TNFAIP8: variants seen among roughly 807,000 people sequenced by gnomAD.
TNFAIP8 encodes tumor necrosis factor alpha-induced protein 8.
TNFAIP8 carries 7 observed loss-of-function variants against 13.3 expected under a neutral mutation model. That is an observed-to-expected ratio of 0.52 (90% CI 0.30 to 0.99). TNFAIP8 has a LOEUF of 0.99. Among genes scored for constraint, TNFAIP8 ranks in the 50% least tolerant of loss-of-function variants. The probability of loss-of-function intolerance (pLI) is 0.07; values close to 1 mark genes in which losing one functional copy is unlikely to be tolerated. For synonymous variants in TNFAIP8, 94 were observed against 87.6 expected (o/e 1.07, Z -0.41); for missense variants, 258 against 236.9 (o/e 1.09, Z -0.58).
At chr5:119,359,823 G>C (rs191373200) in intron 1 of TNFAIP8, among the ~76,000 whole-genome samples, 2 of 152,194 alleles carry the variant, frequency 1.3e-5, no homozygotes, top group African/African-American at 4.8e-5. Flanking sequence ...GAAACCAAGG[G>C]GTATAGCTGA....
chr5:119,301,617 C>T (rs1424038841), intron 1 of TNFAIP8, among the ~76,000 whole-genome samples: 1 of 152,150 alleles, frequency 6.6e-6, no homozygotes, highest in Non-Finnish European at 1.5e-5. Context: ...ACGAGGTAGG[C>T]CCTCAGGGAA....
intron 1 of TNFAIP8, among the ~76,000 whole-genome samples, chr5:119,372,799 A>C (rs1174081331): frequency 1.3e-5 from 2 of 152,044 alleles, no homozygotes; most frequent in Non-Finnish European, 2.9e-5. Context: ...ATCTCTCCTA[A>C]AATATACACA....
At chr5:119,293,218 A>G (rs2112634170) in intron 1 of TNFAIP8, among the ~76,000 whole-genome samples, 1 of 152,244 alleles carries the variant, frequency 6.6e-6, no homozygotes, top group Admixed American at 6.5e-5. Flanking sequence ...GCCAATACTG[A>G]AAAATCTACT....
chr5:119,391,250 C>T, intron 1 of TNFAIP8: 1 of 603,424 alleles, frequency 1.7e-6, no homozygotes, highest in East Asian at 2.9e-5. Context: ...TGATGCTAGC[C>T]TATCCAAACT....
In TNFAIP8 at chr5:119,317,662, G is replaced by A. The variant is rs141527321; in HGVS notation, c.1+48755G>A. The stretch of plus-strand genomic sequence containing the variant: ...TGCCCAGGCTGGAGTGCAGTGGCGC[G>A]ATTTCGGCTCACTGCAACCTCCACC... On this transcript the variant is annotated intron_variant, in intron 1 of 1. Transcript: ENST00000274456. Among the ~76,000 whole-genome samples, 503 of 151,528 alleles carry A rather than the reference G, an allele frequency of 3.3e-3. 2 individuals carry two copies. Among genetic ancestry groups the A allele is most frequent in the African/African-American group, 0.012 (491 of 41,338 alleles).
chr5:119,388,143 C>A (rs115986329), intron 1 of TNFAIP8, among the ~76,000 whole-genome samples: 1 of 152,180 alleles, frequency 6.6e-6, no homozygotes, highest in Admixed American at 6.6e-5. Flanking sequence ...CAGAACTACA[C>A]CTTGCTTTTA....
intron 1 of TNFAIP8, among the ~76,000 whole-genome samples, chr5:119,347,806 C>G (rs991264377): frequency 6.6e-6 from 1 of 152,188 alleles, no homozygotes; most frequent in African/African-American, 2.4e-5. Context: ...CTTGGCTACT[C>G]GCAACTGCAA....
rs60880283 is a variant in TNFAIP8 at position 119,323,712 on chromosome 5, T to TGC, written c.1+54806_1+54807dup. On this transcript the variant is annotated intron_variant, in intron 1 of 1. Transcript: ENST00000274456. ...TTGTAATCTGTGTTCTTTGGCTGAG[T>TGC]GCTGAGCTTAGGAGGCTGCCAGATG... 5.5e-3 allele frequency among the ~76,000 whole-genome samples: 837 copies of TGC among 152,308 alleles called. 2 individuals are homozygous for TGC. The highest frequency in any genetic ancestry group is 0.019 in the African/African-American group (790 of 41,556).
intron 1 of TNFAIP8, among the ~76,000 whole-genome samples, chr5:119,315,051 T>TG (rs1749845410): frequency 6.9e-6 from 1 of 144,150 alleles, no homozygotes; most frequent in East Asian, 1.9e-4. Flanking sequence ...CCGGCTAATT[T>TG]TTGTGTGTGT....
rs1056739292 is a variant in TNFAIP8, at chr5:119,268,790, C to T, written c.-117C>T. 3 of 689,844 alleles carry T rather than the reference C, an allele frequency of 4.3e-6. No individual in the cohort carries two copies. In the East Asian group the frequency reaches 8.4e-5, roughly 19 times the overall value. The allele number at this position is 689,844 out of a possible 1,614,324, so 42.7% of individuals were successfully genotyped here. A position where few individuals can be genotyped will look rare whatever the true frequency, so the allele number is the denominator to read the frequency against. Reference sequence around the variant, plus strand: ...CTCCTTTTCTCCCGCCGGCTCTAACCCGCGCTTGGCTAAGGTCCGCGGGAA... The same window carrying T: ...CTCCTTTTCTCCCGCCGGCTCTAACTCGCGCTTGGCTAAGGTCCGCGGGAA... On this transcript the variant is annotated 5_prime_UTR_variant, in exon 1 of 2. Coordinates refer to the TNFAIP8 transcript ENST00000274456.
chr5:119,386,478 C>G (rs1488507140), intron 1 of TNFAIP8, among the ~76,000 whole-genome samples: 2 of 152,078 alleles, frequency 1.3e-5, no homozygotes, highest in Non-Finnish European at 2.9e-5. Context: ...GGAAGAGTGC[C>G]TTAGACAATT....
chr5:119,269,910 A>T (rs1383789222), intron 1 of TNFAIP8, among the ~76,000 whole-genome samples: 1 of 152,236 alleles, frequency 6.6e-6, no homozygotes, highest in Non-Finnish European at 1.5e-5. Flanking sequence ...TAGTTTCTTC[A>T]TCTATAAAAT....
intron 1 of TNFAIP8, among the ~76,000 whole-genome samples, chr5:119,338,389 C>T (rs1009565301): frequency 1.3e-5 from 2 of 152,162 alleles, no homozygotes; most frequent in Non-Finnish European, 2.9e-5. Context: ...CCAGGTCCTA[C>T]CTTACAGACC....
At chr5:119,339,767 AC>A in intron 1 of TNFAIP8, among the ~76,000 whole-genome samples, 1 of 152,320 alleles carries the variant, frequency 6.6e-6, no homozygotes, top group South Asian at 2.1e-4. Context: ...CTCCGATAAA[AC>A]ACTGAAGTCC....
chr5:119,330,838 T>C (rs569461764), intron 1 of TNFAIP8, among the ~76,000 whole-genome samples: 2 of 152,180 alleles, frequency 1.3e-5, no homozygotes, highest in East Asian at 3.9e-4. Context: ...TTGGTATTAC[T>C]GTGACACTCC....
intron 1 of TNFAIP8, among the ~76,000 whole-genome samples, chr5:119,307,068 A>G (rs538932027): frequency 6.6e-6 from 1 of 152,328 alleles, no homozygotes; most frequent in Admixed American, 6.5e-5. Context: ...TTTATAGTTG[A>G]TGACATACAG....
chr5:119,391,467 C>T (rs1454481829), intron 1 of TNFAIP8: 14 of 700,892 alleles, frequency 2.0e-5, no homozygotes, highest in Admixed American at 6.0e-5. Context: ...TTAGGAGAAG[C>T]GAGAGAAATG....
rs139166331 is a variant in TNFAIP8, at chr5:119,331,527, C to G, written c.2-61289C>G. Among the ~76,000 whole-genome samples the G allele has an allele frequency of 6.4e-3, 981 of 152,270 alleles. 7 individuals are homozygous for G. Among genetic ancestry groups the G allele is most frequent in the African/African-American group, 0.021 (889 of 41,566 alleles). On this transcript the variant is annotated intron_variant, in intron 1 of 1. Coordinates refer to the TNFAIP8 transcript ENST00000274456. ...TTCTCCTGTTTTTGGAGAGCTCTCT[C>G]CAAAACCAGGAGTTTCCTGCTGGGT...
intron 1 of TNFAIP8, among the ~76,000 whole-genome samples, chr5:119,308,043 T>A (rs1194841161): frequency 6.6e-6 from 1 of 152,326 alleles, no homozygotes; most frequent in Non-Finnish European, 1.5e-5. Flanking sequence ...CTTAGAGAAG[T>A]TAGAAGTTTA....
Sources: allele counts gnomAD v4.1 joint callset (sites outside exome capture counted in the v4.1 genomes callset), GRCh38; gene constraint gnomAD v4.1.1; transcripts MANE v1.5; gene names NCBI Gene and HGNC (gene_info 2026-07-23, HGNC 2026-07-21).